The following DEDD2 variants were observed in gnomAD, a reference collection of about 807,000 sequenced individuals.
DEDD2 encodes the protein DNA-binding death effector domain-containing protein 2.
DEDD2 carries 18 observed loss-of-function variants against 28.9 expected under a neutral mutation model. The observed-to-expected ratio is 0.62, with a 90% CI of 0.43 to 0.92. DEDD2 has a LOEUF of 0.92. Ranked by LOEUF, DEDD2 falls within the 40% of genes least tolerant of loss-of-function variation. The pLI, the probability that DEDD2 is intolerant of heterozygous loss-of-function variation, is 0.00. For synonymous variants in DEDD2, 211 were observed against 206.1 expected, an observed-to-expected ratio of 1.02 and a Z score of -0.20; for missense variants, 411 against 463.3, an observed-to-expected ratio of 0.89 and a Z score of 1.04.
upstream of DEDD2, among the ~76,000 whole-genome samples, chr19:42,219,444 A>C (rs190865374): frequency 1.3e-5 from 2 of 151,842 alleles, no homozygotes; most frequent in Admixed American, 1.3e-4. Context: ...CTACTAAAAA[A>C]TACAAACATT....
At chr19:42,207,763 T>C (rs948292643) in intron 4 of DEDD2, among the ~76,000 whole-genome samples, 9 of 152,038 alleles carry the variant, frequency 5.9e-5, no homozygotes, top group African/African-American at 2.2e-4. Context: ...AACCCTTCCA[T>C]GGCTCCCTCA....
chr19:42,218,696 A>C (rs1172644163), upstream of DEDD2, among the ~76,000 whole-genome samples: 1 of 152,212 alleles, frequency 6.6e-6, no homozygotes, highest in Non-Finnish European at 1.5e-5. Context: ...GGTCCTGCCT[A>C]GCACTGGCCC....
chr19:42,210,291 T>G lies in DEDD2; in HGVS notation c.449-451A>C, dbSNP rs148837618. Reference sequence around the variant, plus strand: ...CTTTGCATAAGGAGGGAAATTAAGATTATATATATCTGCAAAATGAAACAC... The same window carrying G: ...CTTTGCATAAGGAGGGAAATTAAGAGTATATATATCTGCAAAATGAAACAC... On this transcript the variant is annotated intron_variant, in intron 3 of 4. Transcript: ENST00000596251. 5.5e-4 allele frequency among the ~76,000 whole-genome samples: 84 copies of G among 152,232 alleles called. 1 individual carries two copies. The Middle Eastern group carries it at 0.01, about 18-fold the overall frequency.
chr19:42,217,538 C>G (rs923260128), intron 1 of DEDD2, 94 bp downstream of exon 1: 4 of 159,706 alleles, frequency 2.5e-5, no homozygotes, highest in African/African-American at 9.6e-5. Flanking sequence ...ACCCGACCCC[C>G]TCGCCCTGCA....
chr19:42,210,780 A>G (rs1210648886), intron 3 of DEDD2, among the ~76,000 whole-genome samples: 2 of 152,000 alleles, frequency 1.3e-5, no homozygotes, highest in Admixed American at 1.3e-4. Context: ...AATTAACACA[A>G]ATAGGCCGCA....
chr19:42,199,550 C>G lies in DEDD2; in HGVS notation c.869G>C (p.Arg290Pro), dbSNP rs1449718841. The G allele has an allele frequency of 6.2e-7, 1 of 1,614,092 alleles. No individual in the cohort carries two copies. The highest frequency in any genetic ancestry group is 8.5e-7 in the Non-Finnish European group (1 of 1,179,984). ...ACTGACCAGCAGGCGAACAGCCTCC[C>G]GGCCCACAGCCTCTCGCAGGGCCTC... ...LTEALREAVG[R>P]EAVRLLVSVD... Residue 290 changes from arginine (R) to proline (P), a missense_variant, in exon 5 of 5, where the codon CGG (arginine) becomes CCG (proline). Transcript: ENST00000596251. The surrounding 1 kb of genome is among the most constrained non-coding windows in gnomAD (Gnocchi z 7.4).
At chr19:42,200,308 G>A (rs1005987876) in intron 4 of DEDD2, among the ~76,000 whole-genome samples, 1 of 151,824 alleles carries the variant, frequency 6.6e-6, no homozygotes, top group African/African-American at 2.4e-5. Context: ...TGGAGAGACA[G>A]ATGACAGCAA....
intron 4 of DEDD2, chr19:42,201,867 C>CT (rs1157564075): frequency 1.0e-5 from 4 of 396,820 alleles, no homozygotes; most frequent in African/African-American, 6.2e-5. Flanking sequence ...CAGTAAGCAA[C>CT]TGGCCATGAC....
At chr19:42,204,547 C>A in intron 4 of DEDD2, 1 of 155,238 alleles carries the variant, frequency 6.4e-6, no homozygotes, top group South Asian at 2.0e-4. Flanking sequence ...TGGCACCCTG[C>A]TTCTTGTACA....
chr19:42,212,692 T>C (rs550300275), intron 3 of DEDD2, among the ~76,000 whole-genome samples: 1 of 152,236 alleles, frequency 6.6e-6, no homozygotes, highest in East Asian at 1.9e-4. Context: ...CTCAAATGCC[T>C]GGGCTGAAGC....
chr19:42,215,090 G>GAA, intron 3 of DEDD2, 43 bp downstream of exon 3: 1 of 1,610,358 alleles, frequency 6.2e-7, no homozygotes, highest in Non-Finnish European at 8.5e-7. Context: ...AATTCATAAG[G>GAA]AAAAGAGGGA....
chr19:42,202,540 G>A (rs2035373669), intron 4 of DEDD2, among the ~76,000 whole-genome samples: 1 of 152,080 alleles, frequency 6.6e-6, no homozygotes, highest in African/African-American at 2.4e-5. Context: ...CAGGTCACAG[G>A]GACAAGGCCA....
chr19:42,210,042 C>T (rs1428426162), intron 3 of DEDD2, among the ~76,000 whole-genome samples: 1 of 152,040 alleles, frequency 6.6e-6, no homozygotes, highest in Non-Finnish European at 1.5e-5. Flanking sequence ...CACCCCAGCA[C>T]GCTGCAGCAG....
chr19:42,217,444 T>G (rs1348903045), intron 1 of DEDD2, among the ~76,000 whole-genome samples, 188 bp downstream of exon 1: 1 of 152,036 alleles, frequency 6.6e-6, no homozygotes, highest in African/African-American at 2.4e-5. Flanking sequence ...ACGCAAGTGG[T>G]ACCTCCCGAA....
At position 42,199,967 on chromosome 19, in the gene DEDD2, G is replaced by C; in HGVS notation, c.590-138C>G. ...ACCCTAGTCCTGACACAGCCTCCCCGGCTCTGTGGGGTTCCCTGACCAAGT... is the reference window on the plus strand; with the variant it reads ...ACCCTAGTCCTGACACAGCCTCCCCCGCTCTGTGGGGTTCCCTGACCAAGT... On this transcript the variant is annotated intron_variant, in intron 4 of 4. Transcript: ENST00000596251. The surrounding 1 kb of genome is among the most constrained non-coding windows in gnomAD (Gnocchi z 7.4). 1 of 1,319,280 alleles carries C rather than the reference G, an allele frequency of 7.6e-7. No homozygotes were observed. The highest frequency in any genetic ancestry group is 2.8e-5 in the Admixed American group (1 of 35,140). The allele number at this position is 1,319,280 out of a possible 1,614,324, so 81.7% of individuals were successfully genotyped here.
intron 2 of DEDD2, 58 bp downstream of exon 2, chr19:42,216,622 C>T (rs2035979265): frequency 1.4e-6 from 2 of 1,470,830 alleles, no homozygotes; most frequent in African/African-American, 1.4e-5. Flanking sequence ...CAGGGAGGCC[C>T]AGCGGGAGCC....
At chr19:42,210,776 C>T (rs147991662) in intron 3 of DEDD2, among the ~76,000 whole-genome samples, 17 of 152,052 alleles carry the variant, frequency 1.1e-4, no homozygotes, top group African/African-American at 4.1e-4. Context: ...ATAAAATTAA[C>T]ACAAATAGGC....
At chr19:42,202,222 C>T (rs1301132902) in intron 4 of DEDD2, 4 of 397,324 alleles carry the variant, frequency 1.0e-5, no homozygotes. Context: ...TCCCTACACC[C>T]ATGGCCCTCA....
chr19:42,199,396 G>GC lies in DEDD2; in HGVS notation c.*41dup. ...ATGGTCGTCCTCCCAGGAGAAGGTGGCCCGGAGACTTGGAGGTGGGATCAA... is the reference window on the plus strand; with the variant it reads ...ATGGTCGTCCTCCCAGGAGAAGGTGGCCCCGGAGACTTGGAGGTGGGATCAA... On this transcript the variant is annotated 3_prime_UTR_variant, in exon 5 of 5. Coordinates refer to ENST00000596251, the MANE Select transcript of DEDD2 (RefSeq NM_133328.4). The surrounding 1 kb of genome is among the most constrained non-coding windows in gnomAD (Gnocchi z 7.4). The GC allele has an allele frequency of 4.0e-6, 6 of 1,517,118 alleles. No homozygotes were observed. The highest frequency in any genetic ancestry group is 5.3e-6 in the Non-Finnish European group (6 of 1,139,482). The allele number at this position is 1,517,118 out of a possible 1,614,324, so 94.0% of individuals were successfully genotyped here.
Sources: gnomAD v4.1 joint callset for allele counts (sites outside exome capture counted in the v4.1 genomes callset) on GRCh38, gnomAD v4.1.1 for gene constraint, Gnocchi (gnomAD v3.1) non-coding constraint, MANE v1.5 for transcripts, NCBI Gene and HGNC (gene_info 2026-07-23, HGNC 2026-07-21) for gene names.